The following RBKS variants were observed in gnomAD, a reference collection of about 807,000 sequenced individuals.
RBKS encodes the protein ribokinase.
Under a neutral mutation model 33.9 loss-of-function variants are expected in RBKS, and 33 were observed. That is an observed-to-expected ratio of 0.97 (90% CI 0.74 to 1.30). The LOEUF (loss-of-function observed/expected upper bound fraction) is 1.30. Among genes scored for constraint, RBKS ranks in the 50% most tolerant of loss-of-function variants. The pLI, the probability that RBKS is intolerant of heterozygous loss-of-function variation, is 0.00. For missense variants in RBKS, 361 were observed against 392.6 expected (o/e 0.92, Z 0.68); for synonymous variants, 125 against 143.0 (o/e 0.87, Z 0.90).
rs55838019 is a variant in RBKS at position 27,821,544 on chromosome 2, A to T, written c.795+6023T>A. ...ACAATTACTTTTAAGTGGATGGGTC[A>T]TGGATACTTGACTTTCTTCTTTATA... On this transcript the variant is annotated intron_variant, in intron 7 of 7. Transcript: ENST00000302188. 2.7e-3 allele frequency among the ~76,000 whole-genome samples: 412 copies of T among 152,352 alleles called. 3 individuals are homozygous for T. The highest frequency in any genetic ancestry group is 9.4e-3 in the African/African-American group (391 of 41,590).
At chr2:27,804,538 C>A (rs1173494413) in intron 7 of RBKS, among the ~76,000 whole-genome samples, 1 of 151,998 alleles carries the variant, frequency 6.6e-6, no homozygotes, top group Non-Finnish European at 1.5e-5. Context: ...CATAATAAAC[C>A]AATTATTAAT....
intron 1 of RBKS, among the ~76,000 whole-genome samples, chr2:27,873,228 A>G (rs1042569588): frequency 1.3e-5 from 2 of 152,280 alleles, no homozygotes; most frequent in South Asian, 2.1e-4. Context: ...CAGTTAAATA[A>G]TGCAGTTTCC....
Position 27,840,327 on chromosome 2 carries a change from TAC to T in RBKS, c.514+2738_514+2739del, listed in dbSNP as rs544313433. On this transcript the variant is annotated intron_variant, in intron 5 of 7. Coordinates refer to ENST00000302188, the MANE Select transcript of RBKS (RefSeq NM_022128.3). ...CTTGCATATGAGAATGATGATGCAT[TAC>T]ACACACACACACACACACACACACA... 2.9e-3 allele frequency among the ~76,000 whole-genome samples: 338 copies of T among 117,888 alleles called. 3 individuals are homozygous for T. The highest frequency in any genetic ancestry group is 7.8e-3 in the African/African-American group (251 of 32,040). The allele number at this position is 117,888 out of a possible 152,430, so 77.3% of individuals were successfully genotyped here.
At chr2:27,797,355 G>T (rs1677684667) in intron 7 of RBKS, among the ~76,000 whole-genome samples, 1 of 152,230 alleles carries the variant, frequency 6.6e-6, no homozygotes. Context: ...TTTGCACAGG[G>T]TGTCACAGAC....
rs1250562782 is a variant in RBKS, at chr2:27,820,577, C to CTCTT, written c.795+6986_795+6989dup. On this transcript the variant is annotated intron_variant, in intron 7 of 7. Transcript: ENST00000302188. The stretch of plus-strand genomic sequence containing the variant: ...TCTCTCTCTCTCTCTCTCTCTCTCT[C>CTCTT]TCTTTCTTTCTTTTTCTTGAGACAG... Among the ~76,000 whole-genome samples the CTCTT allele has an allele frequency of 2.1e-5, 3 of 143,932 alleles. No homozygotes were observed. In the East Asian group the frequency reaches 5.9e-4, roughly 28 times the overall value. 94.4% of individuals were successfully genotyped at this position (143,932 alleles called of 152,430 possible). A position where few individuals can be genotyped will look rare whatever the true frequency, so the allele number is the denominator to read the frequency against.
intron 7 of RBKS, among the ~76,000 whole-genome samples, chr2:27,791,352 G>C (rs1173436918): frequency 6.6e-6 from 1 of 152,144 alleles, no homozygotes; most frequent in East Asian, 1.9e-4. Context: ...GAGTAAAGAA[G>C]ATTGATCCTC....
At position 27,847,048 on chromosome 2, in the gene RBKS, T is replaced by C. The variant is rs1277454224; in HGVS notation, c.343A>G (p.Asn115Asp). The stretch of plus-strand genomic sequence containing the variant: ...CAATATGCAAAACACTTACCTTCAT[T>C]ATTGACAATTATAGAAGCAGTTCCT... The part of the protein sequence containing the change: ...ATGTASIIVN[N>D]EGQNIIVIVA... Residue 115 changes from asparagine to aspartate, a missense_variant, in exon 4 of 8, where the codon AAT becomes GAT. By Grantham distance (23) the Asn-to-Asp change is conservative. Coordinates refer to ENST00000302188, the MANE Select transcript of RBKS (RefSeq NM_022128.3). 3 of 1,601,726 alleles carry C rather than the reference T, an allele frequency of 1.9e-6. No individual in the cohort carries two copies. Among genetic ancestry groups the C allele is most frequent in the Non-Finnish European group, 2.6e-6 (3 of 1,169,266 alleles).
chr2:27,883,584 A>G (rs1461171495), intron 1 of RBKS, among the ~76,000 whole-genome samples: 2 of 152,266 alleles, frequency 1.3e-5, no homozygotes, highest in African/African-American at 4.8e-5. Flanking sequence ...AGCAAAACTC[A>G]TCACAAAGTC....
intron 4 of RBKS, 116 bp from the exon 5 acceptor site, chr2:27,843,347 G>T: frequency 2.7e-6 from 2 of 730,768 alleles, no homozygotes; most frequent in Non-Finnish European, 4.1e-6. Flanking sequence ...GTGTTATTAA[G>T]TATTAATTTT....
intron 7 of RBKS, among the ~76,000 whole-genome samples, chr2:27,826,418 T>C (rs1023247215): frequency 6.6e-6 from 1 of 151,840 alleles, no homozygotes; most frequent in Non-Finnish European, 1.5e-5. Flanking sequence ...CTTTTCTTTT[T>C]TTTTTTTTTG....
In RBKS at chr2:27,890,002, G is replaced by A. The variant is rs943793970; in HGVS notation, c.89+255C>T. The A allele has an allele frequency of 7.8e-6, 3 of 386,544 alleles. No homozygotes were observed. Among genetic ancestry groups the A allele is most frequent in the Non-Finnish European group, 9.3e-6 (2 of 213,972 alleles). 23.9% of individuals were successfully genotyped at this position (386,544 alleles called of 1,614,324 possible). On this transcript the variant is annotated intron_variant, in intron 1 of 7. Transcript: ENST00000302188. The surrounding 1 kb of genome is among the most constrained non-coding windows in gnomAD (Gnocchi z 4.8). ...AAGTCTTTGGAGGGCAGGTCTTTGG[G>A]GAGCGCTTTGAGTAATATTAGAGCT...
intron 6 of RBKS, among the ~76,000 whole-genome samples, chr2:27,828,823 T>C (rs1312922212): frequency 1.3e-5 from 2 of 152,216 alleles, no homozygotes; most frequent in South Asian, 2.1e-4. Flanking sequence ...GATTCTGTTT[T>C]TCTTTCACAA....
chr2:27,792,458 T>C (rs1677553212), intron 7 of RBKS, among the ~76,000 whole-genome samples: 1 of 152,242 alleles, frequency 6.6e-6, no homozygotes, highest in South Asian at 2.1e-4. Context: ...GCTAAGCAAC[T>C]GTTAGTTCTT....
In RBKS at chr2:27,837,273, CA is replaced by C. The variant is rs1444657955; in HGVS notation, c.515-4497del. Among the ~76,000 whole-genome samples the C allele has an allele frequency of 1.3e-5, 2 of 151,904 alleles. No individual in the cohort carries two copies. The highest frequency in any genetic ancestry group is 1.3e-4 in the Admixed American group (2 of 15,258). On this transcript the variant is annotated intron_variant, in intron 5 of 7. Coordinates refer to ENST00000302188, the MANE Select transcript of RBKS (RefSeq NM_022128.3). This position sits in a 1 kb window ranked among gnomAD's most constrained non-coding sequence, Gnocchi z 4.0. Reference sequence around the variant, plus strand: ...TGGGCGATAGAGCGAGACTCCATCTCAAAAAACAAAACAAAACAAAACGAAA... The same window carrying C: ...TGGGCGATAGAGCGAGACTCCATCTCAAAAACAAAACAAAACAAAACGAAA...
At chr2:27,791,639 C>CTAAATAT (rs1677522986) in intron 7 of RBKS, among the ~76,000 whole-genome samples, 1 of 143,826 alleles carries the variant, frequency 7.0e-6, no homozygotes, top group African/African-American at 2.7e-5. Flanking sequence ...CACACACACA[C>CTAAATAT]ACACTAAATA....
chr2:27,783,838 T>C lies in RBKS; in HGVS notation c.796-2050A>G, dbSNP rs560474160. Among the ~76,000 whole-genome samples, 35 of 126,074 alleles carry C rather than the reference T, an allele frequency of 2.8e-4. No homozygotes were observed. In the East Asian group the frequency reaches 3.8e-3, roughly 14 times the overall value. The allele number at this position is 126,074 out of a possible 152,430, so 82.7% of individuals were successfully genotyped here. The stretch of plus-strand genomic sequence containing the variant: ...AGGAGAATGGCCTGAACCCGGGAGG[T>C]GGAGCTTGCAGTGAGCTGAGATTGT... On this transcript the variant is annotated intron_variant, in intron 7 of 7. Transcript: ENST00000302188.
rs182417819 is a variant in RBKS at position 27,792,354 on chromosome 2, T to G, written c.796-10566A>C. ...CTCTGTGACTTTGTTTTCTTATATA[T>G]AAAATGAAGTTATTAACATCTCTCT... On this transcript the variant is annotated intron_variant, in intron 7 of 7. Transcript: ENST00000302188. 1.5e-3 allele frequency among the ~76,000 whole-genome samples: 226 copies of G among 152,318 alleles called. 4 individuals are homozygous for G. Among genetic ancestry groups the G allele is most frequent in the Admixed American group, 0.014 (208 of 15,302 alleles).
At chr2:27,871,302 T>C (rs1664206147) in intron 1 of RBKS, among the ~76,000 whole-genome samples, 1 of 152,182 alleles carries the variant, frequency 6.6e-6, no homozygotes, top group Non-Finnish European at 1.5e-5. Flanking sequence ...CAAAAGCTTG[T>C]TTTTTAATGC....
intron 7 of RBKS, among the ~76,000 whole-genome samples, chr2:27,817,854 G>A (rs894645622): frequency 2.0e-5 from 3 of 152,172 alleles, no homozygotes; most frequent in Non-Finnish European, 2.9e-5. Flanking sequence ...ATCAGATCTC[G>A]TGAGAACTCA....
Sources: allele counts gnomAD v4.1 joint callset (sites outside exome capture counted in the v4.1 genomes callset), GRCh38; gene constraint gnomAD v4.1.1; non-coding constraint Gnocchi (gnomAD v3.1); transcripts MANE v1.5; gene names NCBI Gene and HGNC (gene_info 2026-07-23, HGNC 2026-07-21).